The following LTBP2 variants were observed in gnomAD, a reference collection of about 807,000 sequenced individuals.
LTBP2 encodes latent transforming growth factor beta binding protein 2, also known as latent-transforming growth factor beta-binding protein 2.
LTBP2 carries 103 observed loss-of-function variants against 210.6 expected under a neutral mutation model. The observed-to-expected ratio is 0.49, with a 90% CI of 0.42 to 0.58. The LOEUF (loss-of-function observed/expected upper bound fraction) is 0.58, where lower values mean the gene tolerates loss of function less well. Among genes scored for constraint, LTBP2 ranks in the 20% least tolerant of loss-of-function variants. LTBP2 has a pLI of 0.00. For missense variants in LTBP2, 2,313 were observed against 2,494.5 expected (o/e 0.93, Z 1.55); for synonymous variants, 1,007 against 1,015.0 (o/e 0.99, Z 0.15).
chr14:74,605,281 GA>G (rs1338625048), intron 1 of LTBP2, among the ~76,000 whole-genome samples: 1 of 152,214 alleles, frequency 6.6e-6, no homozygotes, highest in Non-Finnish European at 1.5e-5. Flanking sequence ...CCTGCAGCTT[GA>G]AAAAGCGGAG....
chr14:74,527,920 C>T (rs1468754251), intron 12 of LTBP2, among the ~76,000 whole-genome samples: 1 of 152,264 alleles, frequency 6.6e-6, no homozygotes, highest in Non-Finnish European at 1.5e-5. Context: ...ACATAGTTTG[C>T]TGGCGCTATG....
chr14:74,550,979 G>A (rs2087645189), intron 7 of LTBP2, 85 bp downstream of exon 7: 4 of 1,514,878 alleles, frequency 2.6e-6, no homozygotes. Flanking sequence ...TAAGAACAAA[G>A]AGGACAGAGA....
intron 16 of LTBP2, 124 bp from the exon 17 acceptor site, chr14:74,522,163 T>A: frequency 1.7e-6 from 2 of 1,173,402 alleles, no homozygotes; most frequent in South Asian, 1.4e-5. Flanking sequence ...AAGGAAGGGG[T>A]GAGGGAGTGG....
chr14:74,585,855 C>T lies in LTBP2; in HGVS notation c.829G>A (p.Gly277Arg), dbSNP rs758403129. The T allele has an allele frequency of 1.9e-6, 3 of 1,613,068 alleles. No individual in the cohort carries two copies. The highest frequency in any genetic ancestry group is 1.3e-5 in the African/African-American group (1 of 74,260). Reference sequence around the variant, plus strand: ...AGCCCCATGGAGAAGGGGACTTACCCAGCTGGTGGCGACTGTGGTGCGGGC... The same window carrying T: ...AGCCCCATGGAGAAGGGGACTTACCTAGCTGGTGGCGACTGTGGTGCGGGC... ...SPPAPQSPPA[G>R]TLSGLSQTHP... The change falls in exon 3 of 36, where the codon GGG becomes AGG. Residue 277 changes from glycine (G) to arginine (R), a missense_variant and splice_region_variant. By Grantham distance (125) the Gly-to-Arg change is moderately radical. This residue lies in a region of LTBP2 where 1,867 missense variants were observed against 1,976.9 expected (regional missense o/e 0.94). Transcript: ENST00000261978.
chr14:74,507,987 C>G lies in LTBP2; in HGVS notation c.3761G>C (p.Ser1254Thr). 6.2e-7 allele frequency: 1 copy of G among 1,613,626 alleles called. No homozygotes were observed. The highest frequency in any genetic ancestry group is 8.5e-7 in the Non-Finnish European group (1 of 1,180,024). The change falls in exon 25 of 36, where the codon AGT becomes ACT. Residue 1254 changes from serine (S) to threonine (T), a missense_variant. By Grantham distance (58) the Ser-to-Thr change is moderately conservative. Transcript: ENST00000261978. ...CETGFQPSPE[S>T]GECVDIDECE... is the part of the protein sequence containing the mutation. ...AGAGCCCTTACCCACACACTCTCCA[C>G]TCTCTGGGGAGGGCTGGAAGCCAGT... is the stretch of plus-strand genomic sequence containing the variant.
Position 74,508,943 on chromosome 14 carries a change from T to G in LTBP2, c.3413A>C (p.Glu1138Ala), listed in dbSNP as rs779968008. ...GCAGCTGCTCTGGGGGTCTTCACATTCATCCACATCTGCAGGGCCACACAG... is the reference window on the plus strand; with the variant it reads ...GCAGCTGCTCTGGGGGTCTTCACATGCATCCACATCTGCAGGGCCACACAG... ...PLGDSCEDVD[E>A]CEDPQSSCLG... The change falls in exon 23 of 36, where the codon GAA becomes GCA. Residue 1138 changes from glutamate (E) to alanine (A), a missense_variant. Coordinates refer to ENST00000261978, the MANE Select transcript of LTBP2 (RefSeq NM_000428.3). 6.2e-7 allele frequency: 1 copy of G among 1,613,544 alleles called. No individual in the cohort carries two copies. Among genetic ancestry groups the G allele is most frequent in the African/African-American group, 1.3e-5 (1 of 75,000 alleles).
chr14:74,531,413 A>G (rs2087348675), intron 10 of LTBP2, among the ~76,000 whole-genome samples: 2 of 152,226 alleles, frequency 1.3e-5, no homozygotes, highest in Non-Finnish European at 2.9e-5. Flanking sequence ...TGTGGAGTAG[A>G]AGGAAGGGTG....
chr14:74,580,952 C>CA (rs1462368328), intron 3 of LTBP2, among the ~76,000 whole-genome samples: 8 of 150,498 alleles, frequency 5.3e-5, no homozygotes, highest in South Asian at 2.1e-4. Flanking sequence ...GACCCTGTCT[C>CA]AAAAAAAAAT....
rs191350549 is a variant in LTBP2 at position 74,604,276 on chromosome 14, C to T, written c.495-571G>A. ...GACACACATAAAACAGTCTCAAGGT[C>T]ATACGAGGTGTTACCTGCCAACGAA... On this transcript the variant is annotated intron_variant, in intron 1 of 35. Coordinates refer to ENST00000261978, the MANE Select transcript of LTBP2 (RefSeq NM_000428.3). Among the ~76,000 whole-genome samples, 323 of 151,862 alleles carry T rather than the reference C, an allele frequency of 2.1e-3. 2 individuals are homozygous for T. Among genetic ancestry groups the T allele is most frequent in the African/African-American group, 7.2e-3 (298 of 41,386 alleles).
chr14:74,550,001 C>T (rs1055236238), intron 7 of LTBP2, 36 bp from the exon 8 acceptor site: 1 of 1,325,618 alleles, frequency 7.5e-7, no homozygotes, highest in Non-Finnish European at 1.1e-6. Context: ...GTGACCACCC[C>T]CCTTCCCTCC....
At chr14:74,558,440 C>T (rs1208970986) in intron 3 of LTBP2, among the ~76,000 whole-genome samples, 2 of 152,182 alleles carry the variant, frequency 1.3e-5, no homozygotes, top group Non-Finnish European at 2.9e-5. Flanking sequence ...CGAGGACTTC[C>T]AAGAAAGCGC....
intron 2 of LTBP2, among the ~76,000 whole-genome samples, chr14:74,593,547 A>T (rs2088312699): frequency 1.3e-5 from 2 of 152,344 alleles, no homozygotes; most frequent in Middle Eastern, 3.4e-3. Flanking sequence ...TGTACTCTCT[A>T]AAGCTGTGCT....
intron 3 of LTBP2, among the ~76,000 whole-genome samples, chr14:74,581,949 C>A (rs960427770): frequency 6.6e-6 from 1 of 152,068 alleles, no homozygotes; most frequent in Non-Finnish European, 1.5e-5. Flanking sequence ...CCAGCCACCC[C>A]ACTCAGGGCT....
rs777633134 is a variant in LTBP2, at chr14:74,501,424, C to G, written c.5320+17G>C. On this transcript the variant is annotated intron_variant, in intron 35 of 35. Transcript: ENST00000261978. ...CAGTGGGCCAGCCTGACTCCTCCAT[C>G]AGAATTCTGCACTTACCTACGCAGG... 1.2e-6 allele frequency: 2 copies of G among 1,614,062 alleles called. No homozygotes were observed. Among genetic ancestry groups the G allele is most frequent in the South Asian group, 2.2e-5 (2 of 91,088 alleles).
chr14:74,522,984 G>A lies in LTBP2; in HGVS notation c.2531-66C>T, dbSNP rs949948414. ...GTGCTGGACAAAGGCAGTGGAGCGG[G>A]GTGGGGACAGTCAGTGGCCAGGGTC... On this transcript the variant is annotated intron_variant, in intron 15 of 35. Transcript: ENST00000261978. 3.8e-6 allele frequency: 6 copies of A among 1,571,950 alleles called. No individual in the cohort carries two copies. In the African/African-American group the frequency reaches 8.0e-5, roughly 21 times the overall value.
chr14:74,571,504 G>T (rs1014435858), intron 3 of LTBP2, among the ~76,000 whole-genome samples: 2 of 152,226 alleles, frequency 1.3e-5, no homozygotes, highest in African/African-American at 2.4e-5. Flanking sequence ...ACTGTAGGCT[G>T]CATAGCTAAG....
At chr14:74,555,127 C>G (rs542129155) in intron 4 of LTBP2, among the ~76,000 whole-genome samples, 148 of 152,088 alleles carry the variant, frequency 9.7e-4, no homozygotes, top group African/African-American at 3.4e-3. Flanking sequence ...GCTGTAGGTG[C>G]TGAGGTAACA....
At position 74,502,780 on chromosome 14, in the gene LTBP2, G is replaced by A. The variant is rs2086926095; in HGVS notation, c.5043C>T (p.Gly1681=). The part of the protein sequence containing the change: ...PDGAPFYNYL[G]PEDTVPEPAF... The stretch of plus-strand genomic sequence containing the variant: ...CAGGCTCAGGGACGGTGTCCTCGGG[G>A]CCCAGGTAGTTGTAGAAGGGGGCCC... Residue 1681 remains glycine, a synonymous_variant, in exon 34 of 36, where the codon GGC becomes GGT. Coordinates refer to ENST00000261978, the MANE Select transcript of LTBP2 (RefSeq NM_000428.3). 2 of 1,614,166 alleles carry A rather than the reference G, an allele frequency of 1.2e-6. No individual in the cohort carries two copies. Among genetic ancestry groups the A allele is most frequent in the Non-Finnish European group, 1.7e-6 (2 of 1,180,000 alleles).
At chr14:74,546,978 G>A (rs1188001805) in intron 8 of LTBP2, among the ~76,000 whole-genome samples, 2 of 151,198 alleles carry the variant, frequency 1.3e-5, no homozygotes, top group African/African-American at 4.9e-5. Flanking sequence ...TGGTCATGGT[G>A]CCTGTCAGCC....
Sources: allele counts gnomAD v4.1 joint callset (sites outside exome capture counted in the v4.1 genomes callset), GRCh38; gene constraint gnomAD v4.1.1; regional missense constraint gnomAD v4.1.1; transcripts MANE v1.5; gene names NCBI Gene and HGNC (gene_info 2026-07-23, HGNC 2026-07-21).